STAU2: variants seen among roughly 807,000 people sequenced by gnomAD.
The protein encoded by STAU2 is staufen double-stranded RNA binding protein 2, also known as double-stranded RNA-binding protein Staufen homolog 2.
STAU2 carries 20 observed loss-of-function variants against 65.9 expected under a neutral mutation model. That is an observed-to-expected ratio of 0.30 (90% CI 0.21 to 0.44). The LOEUF is 0.44. Among genes scored for constraint, STAU2 ranks in the 20% least tolerant of loss-of-function variants. The probability of loss-of-function intolerance (pLI) is 1.00; values close to 1 mark genes in which losing one functional copy is unlikely to be tolerated. For missense variants in STAU2, 558 were observed against 683.9 expected, an observed-to-expected ratio of 0.82 and a Z score of 2.05; for synonymous variants, 232 against 233.9, an observed-to-expected ratio of 0.99 and a Z score of 0.07.
intron 13 of STAU2, chr8:73,549,935 G>T (rs1159340445): frequency 1.0e-6 from 1 of 985,518 alleles, no homozygotes; most frequent in Non-Finnish European, 1.2e-6. Context: ...TTTCTACCAG[G>T]TAAATATACC....
chr8:73,542,891 T>C (rs982427700), intron 13 of STAU2, among the ~76,000 whole-genome samples: 1 of 152,214 alleles, frequency 6.6e-6, no homozygotes, highest in Non-Finnish European at 1.5e-5. Flanking sequence ...TAACATTGTA[T>C]GTACACTTAC....
At position 73,742,284 on chromosome 8, in the gene STAU2, G is replaced by A. The variant is rs1806938179; in HGVS notation, c.-196-2416C>T. 4.1e-6 allele frequency: 4 copies of A among 976,534 alleles called. No individual in the cohort carries two copies. The Admixed American group carries it at 2.5e-4, about 60-fold the overall frequency. 60.5% of individuals were successfully genotyped at this position (976,534 alleles called of 1,614,324 possible). On this transcript the variant is annotated intron_variant, in intron 1 of 14. Coordinates refer to ENST00000524300, the MANE Select transcript of STAU2 (RefSeq NM_001164380.2). The stretch of plus-strand genomic sequence containing the variant: ...GTGGTGGCTCACGCCTGTAATCCCA[G>A]CACTTTTGGAGTCTGAGGCGGACGG...
chr8:73,521,959 G>A (rs1234934363), intron 13 of STAU2, among the ~76,000 whole-genome samples: 1 of 152,188 alleles, frequency 6.6e-6, no homozygotes, highest in Non-Finnish European at 1.5e-5. Flanking sequence ...GCTAGTTAAT[G>A]CTTGGTTAGG....
At chr8:73,657,689 T>C (rs966143330) in intron 6 of STAU2, among the ~76,000 whole-genome samples, 1 of 152,178 alleles carries the variant, frequency 6.6e-6, no homozygotes, top group Non-Finnish European at 1.5e-5. Context: ...CTTTACCAGG[T>C]TTAGGTGTCA....
intron 13 of STAU2, among the ~76,000 whole-genome samples, chr8:73,548,707 A>G (rs551547628): frequency 6.6e-6 from 1 of 152,124 alleles, no homozygotes; most frequent in Non-Finnish European, 1.5e-5. Flanking sequence ...GTGTTTCTTT[A>G]TATTATTTAT....
intron 6 of STAU2, among the ~76,000 whole-genome samples, chr8:73,627,236 A>AGGG (rs1563467240): frequency 9.7e-5 from 1 of 10,266 alleles, no homozygotes; most frequent in Non-Finnish European, 2.0e-4. Flanking sequence ...GGGGGGCAGG[A>AGGG]GGGCGGGTTC....
intron 6 of STAU2, among the ~76,000 whole-genome samples, chr8:73,663,530 TG>T (rs1473751400): frequency 1.3e-5 from 2 of 152,138 alleles, no homozygotes; most frequent in Non-Finnish European, 2.9e-5. Context: ...CAGCCAATTT[TG>T]TTCTTTTCAA....
chr8:73,601,837 G>A (rs1811648727), intron 10 of STAU2, among the ~76,000 whole-genome samples: 1 of 152,148 alleles, frequency 6.6e-6, no homozygotes, highest in East Asian at 1.9e-4. Context: ...GCCAAAGCCA[G>A]TTTATATTCC....
chr8:73,625,894 A>G (rs960195171), intron 6 of STAU2, among the ~76,000 whole-genome samples: 5 of 151,854 alleles, frequency 3.3e-5, no homozygotes, highest in Non-Finnish European at 7.4e-5. Flanking sequence ...TCCCTTTTGC[A>G]CTCTAGGATG....
intron 13 of STAU2, among the ~76,000 whole-genome samples, chr8:73,472,957 T>C (rs780046789): frequency 9.2e-5 from 14 of 152,150 alleles, no homozygotes; most frequent in Non-Finnish European, 1.6e-4. Context: ...GAAGGGGAAA[T>C]GACTCAGCAG....
intron 12 of STAU2, among the ~76,000 whole-genome samples, chr8:73,579,409 T>C (rs1374483882): frequency 1.3e-5 from 2 of 152,200 alleles, no homozygotes; most frequent in Non-Finnish European, 2.9e-5. Context: ...AAGCTACAGT[T>C]CACCTTCAAG....
chr8:73,553,183 G>A (rs1168291252), intron 12 of STAU2, among the ~76,000 whole-genome samples: 1 of 152,160 alleles, frequency 6.6e-6, no homozygotes, highest in Non-Finnish European at 1.5e-5. Flanking sequence ...ATTTCAAACT[G>A]CTTATTCTTA....
chr8:73,475,363 C>A (rs1334542850), intron 13 of STAU2, among the ~76,000 whole-genome samples: 1 of 152,152 alleles, frequency 6.6e-6, no homozygotes, highest in Non-Finnish European at 1.5e-5. Flanking sequence ...TGTTCTCAAA[C>A]CCCCTGTTCC....
intron 9 of STAU2, among the ~76,000 whole-genome samples, chr8:73,610,459 C>T (rs965719551): frequency 1.3e-5 from 2 of 150,948 alleles, no homozygotes; most frequent in African/African-American, 4.9e-5. Context: ...TCGTTTGAAC[C>T]CAGGAGGCAG....
intron 12 of STAU2, among the ~76,000 whole-genome samples, chr8:73,572,721 A>G (rs1809201391): frequency 1.3e-5 from 2 of 152,184 alleles, no homozygotes; most frequent in South Asian, 4.1e-4. Context: ...AAACTCTGAA[A>G]AAACTAGGTA....
At chr8:73,550,919 T>C (rs1807288712) in intron 13 of STAU2, 1 of 985,300 alleles carries the variant, frequency 1.0e-6, no homozygotes, top group Non-Finnish European at 1.2e-6. Flanking sequence ...CATTTTATAA[T>C]CTAAACTTGT....
intron 13 of STAU2, among the ~76,000 whole-genome samples, chr8:73,465,157 C>T (rs1371878574): frequency 6.6e-6 from 1 of 152,196 alleles, no homozygotes; most frequent in Non-Finnish European, 1.5e-5. Flanking sequence ...CACCCCGGCC[C>T]ACACTGACAG....
chr8:73,634,636 T>C (rs1325328035), intron 6 of STAU2, among the ~76,000 whole-genome samples: 1 of 152,174 alleles, frequency 6.6e-6, no homozygotes, highest in Non-Finnish European at 1.5e-5. Flanking sequence ...CCCAGTCACA[T>C]CTCTGGCTTC....
chr8:73,584,636 G>A (rs953911217), intron 11 of STAU2, among the ~76,000 whole-genome samples: 5 of 152,112 alleles, frequency 3.3e-5, no homozygotes, highest in African/African-American at 1.2e-4. Context: ...GCCATTATCA[G>A]GAGAGAAAAA....
Sources: gnomAD v4.1 joint callset for allele counts (sites outside exome capture counted in the v4.1 genomes callset) on GRCh38, gnomAD v4.1.1 for gene constraint, MANE v1.5 for transcripts, NCBI Gene and HGNC (gene_info 2026-07-23, HGNC 2026-07-21) for gene names.